The following DAPK1 variants were observed in gnomAD, a reference collection of about 807,000 sequenced individuals.
DAPK1 encodes death associated protein kinase 1.
In DAPK1, 56 loss-of-function variants were observed where a neutral mutation model predicts 144.9. That is an observed-to-expected ratio of 0.39 (90% CI 0.31 to 0.48). DAPK1 has a LOEUF of 0.48. DAPK1 is among the 20% of genes least tolerant of loss of function. The pLI is 0.95. For missense variants in DAPK1, 1,454 were observed against 1,875.4 expected, an observed-to-expected ratio of 0.78 and a Z score of 4.15; for synonymous variants, 690 against 749.0, an observed-to-expected ratio of 0.92 and a Z score of 1.29.
chr9:87,642,473 G>C (rs1052939834), intron 10 of DAPK1, among the ~76,000 whole-genome samples: 1 of 152,142 alleles, frequency 6.6e-6, no homozygotes, highest in African/African-American at 2.4e-5. Flanking sequence ...TGGTTGGAGT[G>C]GGGGTGGGGT....
intron 2 of DAPK1, among the ~76,000 whole-genome samples, chr9:87,530,134 G>T (rs1019894510): frequency 5.3e-5 from 8 of 152,156 alleles, no homozygotes; most frequent in Non-Finnish European, 7.4e-5. Context: ...GCCTAATCTT[G>T]CCCCTCTCTT....
chr9:87,566,562 A>C (rs2118704784), intron 2 of DAPK1, among the ~76,000 whole-genome samples: 1 of 152,362 alleles, frequency 6.6e-6, no homozygotes, highest in South Asian at 2.1e-4. Context: ...TTTCTAAATA[A>C]GTAAGCTCAG....
chr9:87,597,710 T>C (rs1470272344), intron 2 of DAPK1, among the ~76,000 whole-genome samples: 1 of 152,196 alleles, frequency 6.6e-6, no homozygotes, highest in Admixed American at 6.5e-5. Flanking sequence ...GAGCTGGGGC[T>C]GACATTGCTC....
At chr9:87,606,812 T>G (rs890530601) in intron 3 of DAPK1, among the ~76,000 whole-genome samples, 3 of 124,352 alleles carry the variant, frequency 2.4e-5, no homozygotes, top group Non-Finnish European at 5.0e-5. Context: ...CCTTCCTCTC[T>G]CCTTCCTTCC....
chr9:87,544,979 C>G (rs555800960), intron 2 of DAPK1, among the ~76,000 whole-genome samples: 1 of 152,300 alleles, frequency 6.6e-6, no homozygotes, highest in Admixed American at 6.5e-5. Flanking sequence ...CACTCTGGAC[C>G]TGAGGACAGG....
chr9:87,621,308 A>G (rs920613459), intron 3 of DAPK1, among the ~76,000 whole-genome samples: 21 of 152,174 alleles, frequency 1.4e-4, no homozygotes, highest in Non-Finnish European at 2.8e-4. Flanking sequence ...AGGTGTGGGG[A>G]GAGGCCTGTG....
At chr9:87,654,554 T>C (rs1446096140) in intron 17 of DAPK1, among the ~76,000 whole-genome samples, 1 of 152,260 alleles carries the variant, frequency 6.6e-6, no homozygotes, top group Non-Finnish European at 1.5e-5. Context: ...AGCCATTAGC[T>C]GCTGGTTGCT....
chr9:87,620,723 T>C (rs1829266487), intron 3 of DAPK1, among the ~76,000 whole-genome samples: 1 of 152,062 alleles, frequency 6.6e-6, no homozygotes, highest in South Asian at 2.1e-4. Context: ...TGGTGGTCTG[T>C]ATTTCCCTGG....
chr9:87,551,759 T>TA (rs1826493789), intron 2 of DAPK1, among the ~76,000 whole-genome samples: 1 of 152,140 alleles, frequency 6.6e-6, no homozygotes, highest in African/African-American at 2.4e-5. Context: ...CAGGTCCTGA[T>TA]ACAGCAACAT....
At chr9:87,550,187 C>T (rs559861167) in intron 2 of DAPK1, among the ~76,000 whole-genome samples, 1 of 152,196 alleles carries the variant, frequency 6.6e-6, no homozygotes, top group Non-Finnish European at 1.5e-5. Flanking sequence ...CAATCATTCC[C>T]ACCCCCATCC....
chr9:87,645,932 A>G lies in DAPK1; in HGVS notation c.1049A>G (p.His350Arg). The change falls in exon 12 of 26, where the codon CAT becomes CGT. Residue 350 changes from histidine (H) to arginine (R), a missense_variant. Physicochemically the swap from His to Arg is conservative, Grantham distance 29 (BLOSUM62 0). Coordinates refer to ENST00000408954, the MANE Select transcript of DAPK1 (RefSeq NM_004938.4). Reference protein sequence around the residue: ...EDSFVMKAIIHAINDDNVPGL... With the variant: ...EDSFVMKAIIRAINDDNVPGL... Reference sequence around the variant, plus strand: ...TCCTTTGTGATGAAAGCCATCATCCATGCCATCAACGATGACAATGTCCCA... The same window carrying G: ...TCCTTTGTGATGAAAGCCATCATCCGTGCCATCAACGATGACAATGTCCCA... The G allele has an allele frequency of 6.2e-7, 1 of 1,614,040 alleles. No homozygotes were observed. Among genetic ancestry groups the G allele is most frequent in the Non-Finnish European group, 8.5e-7 (1 of 1,179,900 alleles).
Position 87,668,673 on chromosome 9 carries a change from A to G in DAPK1, c.2000A>G (p.Lys667Arg), listed in dbSNP as rs1333553656. 1 of 1,224,518 alleles carries G rather than the reference A, an allele frequency of 8.2e-7. No individual in the cohort carries two copies. The allele number at this position is 1,224,518 out of a possible 1,614,324, so 75.9% of individuals were successfully genotyped here. ...HVAGLLARLR[K>R]DTHRGLFIQQ... ...GCAGGTCTCCTTGCAAGACTTCGAA[A>G]GGTGAGAAGTTCTGTTATAGGTCTG... The change falls in exon 19 of 26, where the codon AAG (lysine) becomes AGG (arginine). Residue 667 changes from lysine to arginine, a missense_variant and splice_region_variant. Lys to Arg is a conservative substitution (Grantham distance 26). Transcript: ENST00000408954.
chr9:87,599,172 G>A (rs1828426357), intron 2 of DAPK1, among the ~76,000 whole-genome samples: 1 of 152,202 alleles, frequency 6.6e-6, no homozygotes, highest in Admixed American at 6.5e-5. Flanking sequence ...CTGGAGCTTT[G>A]GAGGCGAATA....
chr9:87,566,371 T>A (rs1192075087), intron 2 of DAPK1, among the ~76,000 whole-genome samples: 1 of 152,156 alleles, frequency 6.6e-6, no homozygotes, highest in East Asian at 1.9e-4. Flanking sequence ...TATGTCATTA[T>A]AGAGTTGGTA....
intron 2 of DAPK1, among the ~76,000 whole-genome samples, chr9:87,588,237 C>T (rs1477040982): frequency 6.6e-6 from 1 of 152,216 alleles, no homozygotes; most frequent in Non-Finnish European, 1.5e-5. Flanking sequence ...TTGGTGGTTT[C>T]TGAATCCTGT....
At chr9:87,504,228 C>T (rs2118026606) in intron 2 of DAPK1, among the ~76,000 whole-genome samples, 1 of 152,178 alleles carries the variant, frequency 6.6e-6, no homozygotes, top group South Asian at 2.1e-4. Flanking sequence ...AGGAAAGGGT[C>T]CAAAGTTTTA....
intron 2 of DAPK1, among the ~76,000 whole-genome samples, chr9:87,587,140 G>A (rs1048170181): frequency 1.3e-5 from 2 of 152,186 alleles, no homozygotes; most frequent in Non-Finnish European, 2.9e-5. Flanking sequence ...TCAAAGTTGG[G>A]CAGATGGGGC....
chr9:87,679,288 G>T (rs1824515720), intron 19 of DAPK1, among the ~76,000 whole-genome samples: 1 of 152,136 alleles, frequency 6.6e-6, no homozygotes, highest in Non-Finnish European at 1.5e-5. Context: ...GCAACCAGGA[G>T]GAGATGGCAG....
intron 2 of DAPK1, among the ~76,000 whole-genome samples, chr9:87,523,343 C>T (rs1427020518): frequency 6.6e-6 from 1 of 152,194 alleles, no homozygotes; most frequent in Non-Finnish European, 1.5e-5. Flanking sequence ...GTTGCCCAGG[C>T]TGGAGTGCAG....
Sources: allele counts gnomAD v4.1 joint callset (sites outside exome capture counted in the v4.1 genomes callset), GRCh38; gene constraint gnomAD v4.1.1; transcripts MANE v1.5; gene names NCBI Gene and HGNC (gene_info 2026-07-23, HGNC 2026-07-21).